ZNF407: variants seen among roughly 807,000 people sequenced by gnomAD.
ZNF407 encodes the protein zinc finger protein 407.
A neutral mutation model predicts 131.2 loss-of-function variants in ZNF407; 17 were observed. The observed-to-expected ratio is 0.13, with a 90% CI of 0.09 to 0.19. The LOEUF is 0.19. Among genes scored for constraint, ZNF407 ranks in the 10% least tolerant of loss-of-function variants. The pLI is 1.00. For synonymous variants in ZNF407, 1,156 were observed against 1,062.0 expected (o/e 1.09, Z -1.72); for missense variants, 2,681 against 2,830.6 (o/e 0.95, Z 1.20).
chr18:74,627,841 A>G (rs12969072), intron 1 of ZNF407, among the ~76,000 whole-genome samples: 15,422 of 49,812 alleles, frequency 0.31, 878 homozygotes, highest in Non-Finnish European at 0.35. Context: ...GCCCCGCCCC[A>G]CCCCGCCCCG....
intron 3 of ZNF407, among the ~76,000 whole-genome samples, chr18:74,746,645 C>T (rs549442763): frequency 3.3e-5 from 5 of 151,534 alleles, no homozygotes; most frequent in Non-Finnish European, 5.9e-5. Flanking sequence ...GATCAGTATC[C>T]CCATCTTCCA....
intron 3 of ZNF407, among the ~76,000 whole-genome samples, chr18:74,729,410 C>G (rs1968237797): frequency 6.6e-6 from 1 of 152,010 alleles, no homozygotes; most frequent in African/African-American, 2.4e-5. Context: ...TTTAATAAGC[C>G]TTTTCTCCAC....
chr18:74,647,290 A>G (rs1365216990), intron 3 of ZNF407, among the ~76,000 whole-genome samples: 2 of 152,084 alleles, frequency 1.3e-5, no homozygotes, highest in African/African-American at 4.8e-5. Flanking sequence ...AAAAAATAAA[A>G]ATAATTAGCT....
chr18:74,954,415 G>A (rs1243960221), intron 8 of ZNF407, among the ~76,000 whole-genome samples: 2 of 152,054 alleles, frequency 1.3e-5, no homozygotes, highest in Non-Finnish European at 1.5e-5. Context: ...ATTATATTAA[G>A]CTTCTCTCCT....
At chr18:74,614,701 A>G (rs935316925) in intron 1 of ZNF407, among the ~76,000 whole-genome samples, 4 of 152,188 alleles carry the variant, frequency 2.6e-5, no homozygotes, top group Non-Finnish European at 5.9e-5. Context: ...TAGAGATTTC[A>G]TATTTTTGAT....
intron 8 of ZNF407, among the ~76,000 whole-genome samples, chr18:75,011,958 G>A (rs28628075): frequency 0.17 from 26,586 of 151,964 alleles, 2,458 homozygotes; most frequent in Middle Eastern, 0.31. Flanking sequence ...ATTGAGAATA[G>A]GAGAATTTAA....
In ZNF407 at chr18:75,063,498, C is replaced by A. The variant is rs760073811; in HGVS notation, c.5777C>A (p.Pro1926His). ...GGGGCACATGTAGGCAGCGTGGTGC[C>A]CGGACCCATCCTCCCCGAGCAGCTG... is the stretch of plus-strand genomic sequence containing the variant. ...QSGAHVGSVV[P>H]GPILPEQLAD... is the part of the protein sequence containing the mutation. Residue 1926 changes from proline (P) to histidine (H), a missense_variant, in exon 9 of 9, where the codon CCC becomes CAC. By Grantham distance (77) the Pro-to-His change is moderately conservative. Around this residue, in one of 6 missense-constraint regions of ZNF407, gnomAD observed 620 missense variants for 583.1 expected, o/e 1.06. Coordinates refer to ENST00000299687, the MANE Select transcript of ZNF407 (RefSeq NM_017757.3). The surrounding 1 kb of genome is among the most constrained non-coding windows in gnomAD (Gnocchi z 6.6). The A allele has an allele frequency of 6.3e-7, 1 of 1,591,882 alleles. No individual in the cohort carries two copies. Among genetic ancestry groups the A allele is most frequent in the South Asian group, 1.1e-5 (1 of 88,102 alleles).
chr18:74,860,769 G>A (rs1454910026), intron 4 of ZNF407, among the ~76,000 whole-genome samples: 2 of 151,832 alleles, frequency 1.3e-5, no homozygotes, highest in Admixed American at 1.3e-4. Context: ...TCAGTGTTAC[G>A]GTTTTTTAGG....
chr18:75,060,507 C>CT (rs564194650), intron 8 of ZNF407, among the ~76,000 whole-genome samples: 107,908 of 124,420 alleles, frequency 0.87, 47,844 homozygotes, highest in Middle Eastern at 0.94. Flanking sequence ...TTCTTTTTTT[C>CT]TTTTTTTTTT....
chr18:74,675,980 A>G (rs557663233), intron 3 of ZNF407, among the ~76,000 whole-genome samples: 7 of 152,330 alleles, frequency 4.6e-5, no homozygotes, highest in Admixed American at 4.6e-4. Context: ...TAGTTTAAAA[A>G]TATATTATGC....
At chr18:74,887,774 A>C (rs1971330394) in intron 6 of ZNF407, among the ~76,000 whole-genome samples, 1 of 152,126 alleles carries the variant, frequency 6.6e-6, no homozygotes, top group Non-Finnish European at 1.5e-5. Flanking sequence ...ATCACCCTGC[A>C]TGTTTGGTGG....
At chr18:74,750,059 A>G (rs529275752) in intron 3 of ZNF407, among the ~76,000 whole-genome samples, 13 of 152,324 alleles carry the variant, frequency 8.5e-5, no homozygotes, top group Non-Finnish European at 1.3e-4. Flanking sequence ...AATCCGTGCT[A>G]TAGCCTTGGC....
intron 8 of ZNF407, among the ~76,000 whole-genome samples, chr18:74,986,355 T>G (rs1972652847): frequency 6.6e-6 from 1 of 152,074 alleles, no homozygotes; most frequent in South Asian, 2.1e-4. Context: ...AAGGAAGTAT[T>G]TTGACATATT....
intron 3 of ZNF407, among the ~76,000 whole-genome samples, chr18:74,744,733 G>T (rs1968627390): frequency 6.6e-6 from 1 of 151,750 alleles, no homozygotes; most frequent in Non-Finnish European, 1.5e-5. Flanking sequence ...CTGCCACAAT[G>T]TGATACCATT....
At chr18:74,991,581 C>G (rs896385446) in intron 8 of ZNF407, among the ~76,000 whole-genome samples, 1 of 152,150 alleles carries the variant, frequency 6.6e-6, no homozygotes, top group Non-Finnish European at 1.5e-5. Flanking sequence ...AATACCTATT[C>G]GGTATTGGTC....
In ZNF407 at chr18:74,954,415, G is replaced by T. The variant is rs1243960221; in HGVS notation, c.5428+33723G>T. Among the ~76,000 whole-genome samples the T allele has an allele frequency of 3.3e-5, 5 of 152,054 alleles. No individual in the cohort carries two copies. The South Asian group carries it at 1.0e-3, about 31-fold the overall frequency. On this transcript the variant is annotated intron_variant, in intron 8 of 8. Transcript: ENST00000299687. ...TATGTCAATACAGATATTATATTAA[G>T]CTTCTCTCCTTCCACTTAGGATATA... is the stretch of plus-strand genomic sequence containing the variant.
At chr18:74,696,662 A>G (rs1967364982) in intron 3 of ZNF407, among the ~76,000 whole-genome samples, 1 of 152,184 alleles carries the variant, frequency 6.6e-6, no homozygotes, top group African/African-American at 2.4e-5. Flanking sequence ...ATACATAGAC[A>G]AATACACATA....
intron 3 of ZNF407, among the ~76,000 whole-genome samples, chr18:74,680,345 G>T (rs111462733): frequency 0.016 from 2,398 of 151,370 alleles, 69 homozygotes; most frequent in African/African-American, 0.056. Flanking sequence ...GGAGGTAGAG[G>T]CTGCAGTGAG....
intron 8 of ZNF407, among the ~76,000 whole-genome samples, chr18:74,940,708 C>T (rs1014775818): frequency 2.0e-5 from 3 of 152,128 alleles, no homozygotes; most frequent in African/African-American, 7.2e-5. Flanking sequence ...TCCTACTTTG[C>T]GGGGCTGTTG....
Sources: gnomAD v4.1 joint callset for allele counts (sites outside exome capture counted in the v4.1 genomes callset) on GRCh38, gnomAD v4.1.1 for gene constraint, gnomAD v4.1.1 regional missense constraint, Gnocchi (gnomAD v3.1) non-coding constraint, MANE v1.5 for transcripts, NCBI Gene and HGNC (gene_info 2026-07-23, HGNC 2026-07-21) for gene names.